The following CHST8 variants were observed in gnomAD, a reference collection of about 807,000 sequenced individuals.
CHST8 encodes GALNAC-4-ST1.
CHST8 carries 10 observed loss-of-function variants against 15.0 expected under a neutral mutation model. That is an observed-to-expected ratio of 0.67 (90% CI 0.41 to 1.13). The LOEUF is 1.13. Ranked by LOEUF, CHST8 falls within the 50% of genes most tolerant of loss-of-function variation. CHST8 has a pLI of 0.00. For missense variants in CHST8, 634 were observed against 608.2 expected (o/e 1.04, Z -0.45); for synonymous variants, 259 against 256.6 (o/e 1.01, Z -0.09).
In CHST8 at chr19:33,624,269, G is replaced by A. The variant is rs118102776; in HGVS notation, c.-164+1973G>A. On this transcript the variant is annotated intron_variant, in intron 1 of 4. Coordinates refer to ENST00000650847, the MANE Select transcript of CHST8 (RefSeq NM_001127895.2). ...GCTCATTTATAAATTGCCTGAGCAGGCAAAATGAGCATCTTTTGATTTTCC... is the reference window on the plus strand; with the variant it reads ...GCTCATTTATAAATTGCCTGAGCAGACAAAATGAGCATCTTTTGATTTTCC... 5.4e-4 allele frequency among the ~76,000 whole-genome samples: 83 copies of A among 152,352 alleles called. No homozygotes were observed. The East Asian group carries it at 0.013, about 24-fold the overall frequency.
rs761912715 is a variant in CHST8, at chr19:33,757,412, AAG to A, written c.131-13999_131-13998del. Among the ~76,000 whole-genome samples the A allele has an allele frequency of 1.5e-3, 10 of 6,868 alleles. 2 individuals are homozygous for A. The highest frequency in any genetic ancestry group is 3.0e-3 in the Non-Finnish European group (9 of 3,002). 4.5% of individuals were successfully genotyped at this position (6,868 alleles called of 152,430 possible). ...GAAGAAAGAAAGAAAGAAAGAAAGAAAGAAAGAAAGAAAGAAAGAAAGAAAGA... is the reference window on the plus strand; with the variant it reads ...GAAGAAAGAAAGAAAGAAAGAAAGAAAAAGAAAGAAAGAAAGAAAGAAAGA... On this transcript the variant is annotated intron_variant, in intron 3 of 4. Transcript: ENST00000650847.
At chr19:33,752,959 G>A (rs561633686) in intron 3 of CHST8, among the ~76,000 whole-genome samples, 15 of 152,304 alleles carry the variant, frequency 9.8e-5, no homozygotes, top group African/African-American at 3.6e-4. Flanking sequence ...ACAAAGATGG[G>A]CAAAGGCTTT....
At chr19:33,706,712 C>A (rs1973454393) in intron 3 of CHST8, among the ~76,000 whole-genome samples, 1 of 152,212 alleles carries the variant, frequency 6.6e-6, no homozygotes, top group Non-Finnish European at 1.5e-5. Context: ...TATTTCAGGT[C>A]AAGTGATCGC....
At chr19:33,718,550 C>T (rs1356717109) in intron 3 of CHST8, among the ~76,000 whole-genome samples, 1 of 152,186 alleles carries the variant, frequency 6.6e-6, no homozygotes, top group Admixed American at 6.5e-5. Flanking sequence ...TCCCACCCTC[C>T]GTCCCCTTCC....
At chr19:33,683,210 T>C (rs1163367938) in intron 2 of CHST8, among the ~76,000 whole-genome samples, 1 of 152,174 alleles carries the variant, frequency 6.6e-6, no homozygotes, top group Non-Finnish European at 1.5e-5. Flanking sequence ...ACCATGAGAT[T>C]TGGAGGGGAC....
chr19:33,737,140 ATAATC>A (rs1461161979), intron 3 of CHST8, among the ~76,000 whole-genome samples: 1 of 152,226 alleles, frequency 6.6e-6, no homozygotes, highest in Non-Finnish European at 1.5e-5. Flanking sequence ...AAACTCATTA[ATAATC>A]TACCCGTTAT....
chr19:33,757,522 GAGAAAGAAAGAAAGAAAGAAAGAAAGAA>G lies in CHST8; in HGVS notation c.131-13835_131-13808del, dbSNP rs1218360558. Among the ~76,000 whole-genome samples, 109 of 21,130 alleles carry G rather than the reference GAGAAAGAAAGAAAGAAAGAAAGAAAGAA, an allele frequency of 5.2e-3. 6 individuals are homozygous for G. The highest frequency in any genetic ancestry group is 5.8e-3 in the Non-Finnish European group (69 of 11,828). 13.9% of individuals were successfully genotyped at this position (21,130 alleles called of 152,430 possible). ...AGAAAGAAAGAAAGAAAGAAAGAAA[GAGAAAGAAAGAAAGAAAGAAAGAAAGAA>G]AGAAAGAAAGAAAGAAAGAAAGAAA... On this transcript the variant is annotated intron_variant, in intron 3 of 4. Coordinates refer to ENST00000650847, the MANE Select transcript of CHST8 (RefSeq NM_001127895.2).
At chr19:33,650,518 C>CTTTTTTTCTTTTTTTTT (rs1972429029) in intron 1 of CHST8, among the ~76,000 whole-genome samples, 1 of 36,070 alleles carries the variant, frequency 2.8e-5, no homozygotes, top group Non-Finnish European at 4.8e-5. Flanking sequence ...TTTTTCTTTT[C>CTTTTTTTCTTTTTTTTT]TTTTTTTTTT....
At chr19:33,625,091 T>TC (rs1972034266) in intron 1 of CHST8, among the ~76,000 whole-genome samples, 2 of 150,744 alleles carry the variant, frequency 1.3e-5, no homozygotes, top group Admixed American at 1.3e-4. Context: ...TTTCTTTCTT[T>TC]TTTTTTTTTT....
intron 1 of CHST8, among the ~76,000 whole-genome samples, chr19:33,664,794 T>C (rs897528417): frequency 6.6e-6 from 1 of 152,160 alleles, no homozygotes; most frequent in African/African-American, 2.4e-5. Context: ...ATCTTGTCTC[T>C]GTCTTCATGA....
chr19:33,749,541 A>G (rs1022957952), intron 3 of CHST8, among the ~76,000 whole-genome samples: 2 of 151,088 alleles, frequency 1.3e-5, no homozygotes, highest in Non-Finnish European at 2.9e-5. Context: ...GGCTGGAATC[A>G]GTGGGTGCTC....
chr19:33,725,488 C>G (rs75109434), intron 3 of CHST8, among the ~76,000 whole-genome samples: 11,373 of 152,310 alleles, frequency 0.075, 606 homozygotes, highest in Middle Eastern at 0.13. Flanking sequence ...CCTCGAGGCG[C>G]CAGTACCAGC....
At chr19:33,732,623 G>T (rs914655753) in intron 3 of CHST8, among the ~76,000 whole-genome samples, 1 of 152,042 alleles carries the variant, frequency 6.6e-6, no homozygotes, top group African/African-American at 2.4e-5. Context: ...ATAGAACAGG[G>T]TCTGGGAGGG....
chr19:33,684,130 C>T (rs1278078224), intron 2 of CHST8, among the ~76,000 whole-genome samples: 1 of 152,130 alleles, frequency 6.6e-6, no homozygotes, highest in Non-Finnish European at 1.5e-5. Flanking sequence ...GGAATGTGTC[C>T]GTGATGGTGG....
intron 1 of CHST8, among the ~76,000 whole-genome samples, chr19:33,642,390 A>G (rs144776269): frequency 0.014 from 2,187 of 151,346 alleles, 34 homozygotes; most frequent in Non-Finnish European, 0.022. Flanking sequence ...TTTCTGAGAT[A>G]GGGTCTCTGT....
chr19:33,687,433 T>A (rs1341081170), intron 2 of CHST8, among the ~76,000 whole-genome samples: 1 of 152,114 alleles, frequency 6.6e-6, no homozygotes, highest in East Asian at 1.9e-4. Context: ...AGCAGCAGTT[T>A]GTCTTTAGGG....
chr19:33,696,517 G>A (rs1343464379), intron 3 of CHST8, among the ~76,000 whole-genome samples: 4 of 152,058 alleles, frequency 2.6e-5, no homozygotes, highest in Non-Finnish European at 5.9e-5. Flanking sequence ...CTGATGATCT[G>A]TCACTGGATA....
intron 1 of CHST8, among the ~76,000 whole-genome samples, chr19:33,640,758 T>A (rs1972273357): frequency 1.3e-5 from 2 of 152,100 alleles, no homozygotes; most frequent in Admixed American, 1.3e-4. Flanking sequence ...TCCTGGGTGG[T>A]CTTGCCCAAG....
intron 1 of CHST8, among the ~76,000 whole-genome samples, chr19:33,665,196 A>G (rs1972639912): frequency 6.6e-6 from 1 of 152,202 alleles, no homozygotes; most frequent in Non-Finnish European, 1.5e-5. Context: ...GTACTAATTT[A>G]CATCCCCACC....
Sources: allele counts gnomAD v4.1 joint callset (sites outside exome capture counted in the v4.1 genomes callset), GRCh38; gene constraint gnomAD v4.1.1; transcripts MANE v1.5; gene names NCBI Gene and HGNC (gene_info 2026-07-23, HGNC 2026-07-21).